RHNO1: variants seen among roughly 807,000 people sequenced by gnomAD.
RHNO1 encodes RAD9-HUS1-RAD1 interacting nuclear orphan 1.
RHNO1 carries 9 observed loss-of-function variants against 7.2 expected under a neutral mutation model. The ratio of observed to expected loss-of-function variants is 1.25; its 90% CI spans 0.75 to 2.18. The LOEUF (loss-of-function observed/expected upper bound fraction) is 2.18, where lower values mean the gene tolerates loss of function less well. Ranked by LOEUF, RHNO1 falls within the 30% of genes most tolerant of loss-of-function variation. The pLI is 0.00. For missense variants in RHNO1, 292 were observed against 284.5 expected (o/e 1.03, Z -0.19); for synonymous variants, 95 against 107.5 (o/e 0.88, Z 0.72).
intron 1 of RHNO1, 172 bp from the exon 2 acceptor site, chr12:2,885,111 T>G: frequency 2.3e-6 from 1 of 428,788 alleles, no homozygotes; most frequent in Non-Finnish European, 4.1e-6. Flanking sequence ...CAATAAATGT[T>G]CGTTAGATGA....
intron 1 of RHNO1, among the ~76,000 whole-genome samples, chr12:2,877,577 C>T (rs547296241): frequency 6.6e-6 from 1 of 152,334 alleles, no homozygotes; most frequent in Admixed American, 6.5e-5. Flanking sequence ...CGATCGTCTG[C>T]TCCCCCCGAT....
intron 1 of RHNO1, among the ~76,000 whole-genome samples, chr12:2,880,300 A>G (rs942826292): frequency 6.6e-6 from 1 of 151,986 alleles, no homozygotes; most frequent in Non-Finnish European, 1.5e-5. Flanking sequence ...CCCCATCTCT[A>G]AAAATAATTT....
rs1555108293 is a variant in RHNO1, at chr12:2,883,072, A to AAAAAACAAAAAC, written c.-84-2206_-84-2205insCAAAAACAAAAA. 9.6e-3 allele frequency among the ~76,000 whole-genome samples: 624 copies of AAAAAACAAAAAC among 65,166 alleles called. 11 individuals carry two copies. The highest frequency in any genetic ancestry group is 0.04 in the African/African-American group (591 of 14,686). 42.8% of individuals were successfully genotyped at this position (65,166 alleles called of 152,430 possible). A position where few individuals can be genotyped will look rare whatever the true frequency, so the allele number is the denominator to read the frequency against. ...ACAGAGCAAGGCCCTGTCTCAAAAA[A>AAAAAACAAAAAC]AAAAAAAAAAAAACACATAGAAAAC... On this transcript the variant is annotated intron_variant, in intron 1 of 2. Transcript: ENST00000489288.
intron 1 of RHNO1, among the ~76,000 whole-genome samples, chr12:2,884,923 A>G (rs1262211726): frequency 6.6e-6 from 1 of 152,170 alleles, no homozygotes; most frequent in Non-Finnish European, 1.5e-5. Flanking sequence ...GAATGGAACC[A>G]TACTGTATTC....
chr12:2,886,516 G>C (rs906503124), intron 2 of RHNO1, among the ~76,000 whole-genome samples: 1 of 151,982 alleles, frequency 6.6e-6, no homozygotes, highest in African/African-American at 2.4e-5. Flanking sequence ...AATTAGCTGG[G>C]CATGGTGGTG....
chr12:2,877,384 G>C (rs1440332926), intron 1 of RHNO1, 102 bp downstream of exon 1: 1 of 152,194 alleles, frequency 6.6e-6, no homozygotes, highest in Non-Finnish European at 1.5e-5. Flanking sequence ...CCGAGGGAGA[G>C]TTTGGGGACG....
chr12:2,885,562 T>C (rs1409511288), intron 2 of RHNO1, 28 bp downstream of exon 2: 5 of 70,696 alleles, frequency 7.1e-5, no homozygotes, highest in East Asian at 1.7e-3. Context: ...CTATTTGACA[T>C]TTTTTTTTTT....
At chr12:2,883,066 C>CAA (rs776370244) in intron 1 of RHNO1, among the ~76,000 whole-genome samples, 26 of 36,476 alleles carry the variant, frequency 7.1e-4, no homozygotes, top group African/African-American at 2.1e-3. Context: ...GGCCCTGTCT[C>CAA]AAAAAAAAAA....
intron 1 of RHNO1, among the ~76,000 whole-genome samples, chr12:2,884,447 G>T (rs1452406929): frequency 6.6e-6 from 1 of 152,152 alleles, no homozygotes; most frequent in African/African-American, 2.4e-5. Flanking sequence ...GGCTGGCCTT[G>T]AACTCCTGGC....
At position 2,888,253 on chromosome 12, in the gene RHNO1, C is replaced by A. The variant is rs1336033197; in HGVS notation, c.511C>A (p.Pro171Thr). Residue 171 changes from proline (P) to threonine (T), a missense_variant, in exon 3 of 3, where the codon CCC becomes ACC. Transcript: ENST00000489288. ...ATCGTCTGTGAAGGAAGAACTCATT[C>A]CCCAAGATCAGAAGGAAAACAGCCT... ...ESSSVKEELI[P>T]QDQKENSLLS... The A allele has an allele frequency of 1.2e-6, 2 of 1,614,020 alleles. No homozygotes were observed. The highest frequency in any genetic ancestry group is 1.7e-6 in the Non-Finnish European group (2 of 1,180,030).
At chr12:2,887,160 C>A in intron 2 of RHNO1, 1 of 311,572 alleles carries the variant, frequency 3.2e-6, no homozygotes, top group South Asian at 2.7e-5. Flanking sequence ...CTGGCCAACA[C>A]GGTGAAACTC....
chr12:2,880,718 CAA>C, intron 1 of RHNO1, among the ~76,000 whole-genome samples: 1 of 152,182 alleles, frequency 6.6e-6, no homozygotes, highest in South Asian at 2.1e-4. Flanking sequence ...ACCATATCTT[CAA>C]ATTCCCAGGC....
chr12:2,883,511 A>ATATATATATATATTTT (rs2098161542), intron 1 of RHNO1, among the ~76,000 whole-genome samples: 4 of 26,844 alleles, frequency 1.5e-4, no homozygotes, highest in Non-Finnish European at 1.9e-4. Context: ...ATATATATAT[A>ATATATATATATATTTT]TTTTTTTTTT....
intron 1 of RHNO1, among the ~76,000 whole-genome samples, chr12:2,882,405 G>T (rs947216443): frequency 1.3e-5 from 2 of 150,900 alleles, no homozygotes; most frequent in Non-Finnish European, 2.9e-5. Flanking sequence ...TCAGTTAGAA[G>T]GCTACCAGAG....
chr12:2,886,655 CA>C (rs11441422), intron 2 of RHNO1, among the ~76,000 whole-genome samples: 3,527 of 95,392 alleles, frequency 0.037, 62 homozygotes, highest in African/African-American at 0.094. Flanking sequence ...GACCCTGTCT[CA>C]AAAAAAAAAA....
chr12:2,884,605 C>A (rs986797784), intron 1 of RHNO1, among the ~76,000 whole-genome samples: 5 of 149,902 alleles, frequency 3.3e-5, no homozygotes, highest in African/African-American at 1.2e-4. Flanking sequence ...TCAGGTGATC[C>A]GCCTGCCTCA....
intron 1 of RHNO1, among the ~76,000 whole-genome samples, chr12:2,882,394 C>A (rs1457217324): frequency 2.6e-5 from 4 of 151,314 alleles, no homozygotes; most frequent in Admixed American, 2.6e-4. Context: ...AAGCAGGGAA[C>A]TCAGTTAGAA....
chr12:2,883,010 T>G (rs1427892771), intron 1 of RHNO1, among the ~76,000 whole-genome samples: 1 of 144,730 alleles, frequency 6.9e-6, no homozygotes, highest in Non-Finnish European at 1.5e-5. Flanking sequence ...GAGGCTGCAA[T>G]GATCCATGAT....
chr12:2,882,595 G>A lies in RHNO1; in HGVS notation c.-84-2688G>A, dbSNP rs542274959. 3.4e-4 allele frequency among the ~76,000 whole-genome samples: 52 copies of A among 151,034 alleles called. 1 individual carries two copies. Among genetic ancestry groups the A allele is most frequent in the African/African-American group, 1.2e-3 (49 of 40,428 alleles). On this transcript the variant is annotated intron_variant, in intron 1 of 2. Transcript: ENST00000489288. Reference sequence around the variant, plus strand: ...GCAGGTGACTGTAATCTAACCTACTGGGGAGGCTGAGGGTGGAGAATTTCT... The same window carrying A: ...GCAGGTGACTGTAATCTAACCTACTAGGGAGGCTGAGGGTGGAGAATTTCT...
Sources: gnomAD v4.1 joint callset for allele counts (sites outside exome capture counted in the v4.1 genomes callset) on GRCh38, gnomAD v4.1.1 for gene constraint, MANE v1.5 for transcripts, NCBI Gene and HGNC (gene_info 2026-07-23, HGNC 2026-07-21) for gene names.